The following KLF8 variants were observed in gnomAD, a reference collection of about 807,000 sequenced individuals.
KLF8 encodes the protein KLF transcription factor 8.
A neutral mutation model predicts 18.2 loss-of-function variants in KLF8; 10 were observed. That is an observed-to-expected ratio of 0.55 (90% CI 0.34 to 0.93). The LOEUF (loss-of-function observed/expected upper bound fraction) is 0.93. Among genes scored for constraint, KLF8 ranks in the 40% least tolerant of loss-of-function variants. KLF8 has a pLI of 0.02. For synonymous variants in KLF8, 109 were observed against 97.3 expected, an observed-to-expected ratio of 1.12 and a Z score of -0.71; for missense variants, 264 against 277.9, an observed-to-expected ratio of 0.95 and a Z score of 0.36.
chrX:56,124,681 A>G, the KLF8 span, among the ~76,000 whole-genome samples: 4 of 111,699 alleles, frequency 3.6e-5, no homozygotes, highest in African/African-American at 1.3e-4. Flanking sequence ...GCTTATGTAT[A>G]CTATGGTCAT....
chrX:56,000,481 G>C, the KLF8 span, among the ~76,000 whole-genome samples: 5 of 86,112 alleles, frequency 5.8e-5, no homozygotes, highest in African/African-American at 7.6e-5. Context: ...TTCTTGGGGG[G>C]GGGGGGAGGG....
At chrX:55,964,011 G>T in the KLF8 span, among the ~76,000 whole-genome samples, 42 of 111,897 alleles carry the variant, frequency 3.8e-4, no homozygotes, top group African/African-American at 1.2e-3. Flanking sequence ...TAAACAGCCT[G>T]CTCTCTAATG....
At chrX:56,227,904 C>T (rs2066379903), upstream of KLF8, among the ~76,000 whole-genome samples, 1 of 109,358 alleles carries the variant, frequency 9.1e-6, no homozygotes, top group Non-Finnish European at 1.9e-5. Flanking sequence ...CACACACACA[C>T]ACACACACAC....
At chrX:55,986,972 C>T in the KLF8 span, among the ~76,000 whole-genome samples, 1 of 111,456 alleles carries the variant, frequency 9.0e-6, no homozygotes, top group Admixed American at 9.6e-5. Context: ...TTTTTAATGC[C>T]TGCATAGTAT....
the KLF8 span, among the ~76,000 whole-genome samples, chrX:56,215,129 T>C: frequency 8.9e-6 from 1 of 111,922 alleles, no homozygotes. Context: ...CATCTCATAT[T>C]AAGTGCTCAA....
the KLF8 span, among the ~76,000 whole-genome samples, chrX:56,033,997 T>C: frequency 1.8e-5 from 2 of 112,721 alleles, no homozygotes; most frequent in African/African-American, 6.4e-5. Context: ...TTCCTTTGCG[T>C]TACAAAATCA....
the KLF8 span, among the ~76,000 whole-genome samples, chrX:56,140,354 C>A: frequency 2.7e-5 from 3 of 111,690 alleles, no homozygotes; most frequent in South Asian, 1.1e-3. Context: ...ATGGAATCAA[C>A]GTAGATGCCC....
chrX:56,160,129 C>T, the KLF8 span, among the ~76,000 whole-genome samples: 113 of 111,630 alleles, frequency 1.0e-3, 1 homozygote, highest in Middle Eastern at 4.6e-3. Flanking sequence ...TTTTTTTCTG[C>T]CTTCATTTCG....
chrX:56,113,859 G>A, the KLF8 span, among the ~76,000 whole-genome samples: 1 of 110,756 alleles, frequency 9.0e-6, no homozygotes, highest in Non-Finnish European at 1.9e-5. Flanking sequence ...GGAGATCAAG[G>A]GCTTATTTAA....
the KLF8 span, among the ~76,000 whole-genome samples, chrX:56,139,440 G>T: frequency 9.0e-6 from 1 of 111,626 alleles, no homozygotes; most frequent in Non-Finnish European, 1.9e-5. Flanking sequence ...CATGGTGCTG[G>T]TGCAAAAAAC....
At chrX:56,057,058 TG>T in the KLF8 span, among the ~76,000 whole-genome samples, 9 of 37,896 alleles carry the variant, frequency 2.4e-4, no homozygotes. Context: ...ACTGCCTCTA[TG>T]TGAGTGTTCA....
the KLF8 span, among the ~76,000 whole-genome samples, chrX:56,117,286 C>T: frequency 5.4e-5 from 6 of 112,052 alleles, no homozygotes; most frequent in East Asian, 1.1e-3. Context: ...TTAGCATGCT[C>T]CTTTTTGAAA....
chrX:56,063,379 T>C, the KLF8 span, among the ~76,000 whole-genome samples: 1 of 112,205 alleles, frequency 8.9e-6, no homozygotes, highest in Non-Finnish European at 1.9e-5. Context: ...TGGATGTTGA[T>C]GCTATTCCTT....
the KLF8 span, among the ~76,000 whole-genome samples, chrX:55,947,371 G>A: frequency 6.5e-5 from 7 of 108,290 alleles, no homozygotes; most frequent in Non-Finnish European, 1.3e-4. Context: ...ATCATTCTCA[G>A]TAAACTATCT....
intron 1 of KLF8, among the ~76,000 whole-genome samples, chrX:56,246,797 T>C (rs1380487321): frequency 1.8e-5 from 2 of 111,365 alleles, no homozygotes; most frequent in Admixed American, 1.9e-4. Flanking sequence ...CCTAGGTTTT[T>C]AGACTGATAG....
intron 3 of KLF8, chrX:56,266,630 TC>T: frequency 4.0e-6 from 3 of 751,384 alleles, no homozygotes; most frequent in Non-Finnish European, 4.7e-6. Context: ...TCCACCACTA[TC>T]CCCCAACCAC....
At chrX:56,082,279 G>A in the KLF8 span, among the ~76,000 whole-genome samples, 1 of 110,855 alleles carries the variant, frequency 9.0e-6, no homozygotes, top group South Asian at 3.7e-4. Context: ...AACTCTTTTT[G>A]TTTCTGTAAA....
chrX:56,034,852 T>C, the KLF8 span, among the ~76,000 whole-genome samples: 1 of 94,342 alleles, frequency 1.1e-5, no homozygotes, highest in African/African-American at 3.9e-5. Flanking sequence ...GCCTCCCGGG[T>C]TCACGCCATT....
chrX:56,277,803 C>T (rs2067142605), intron 5 of KLF8, among the ~76,000 whole-genome samples: 1 of 112,409 alleles, frequency 8.9e-6, no homozygotes, highest in African/African-American at 3.2e-5. Context: ...GAACTCTAGT[C>T]AAAACTTAGA....
Sources: allele counts gnomAD v4.1 joint callset (sites outside exome capture counted in the v4.1 genomes callset), GRCh38; gene constraint gnomAD v4.1.1; transcripts MANE v1.5; gene names NCBI Gene and HGNC (gene_info 2026-07-23, HGNC 2026-07-21).